IL34: variants seen among roughly 807,000 people sequenced by gnomAD.
IL34 encodes interleukin 34.
In IL34, 17 loss-of-function variants were observed where a neutral mutation model predicts 25.3. The observed-to-expected ratio is 0.67, with a 90% CI of 0.46 to 1.01. The LOEUF (loss-of-function observed/expected upper bound fraction) is 1.01, where lower values mean the gene tolerates loss of function less well. Ranked by LOEUF, IL34 falls within the 50% of genes least tolerant of loss-of-function variation. IL34 has a pLI of 0.00. For missense variants in IL34, 368 were observed against 312.9 expected (o/e 1.18, Z -1.33); for synonymous variants, 174 against 140.9 (o/e 1.23, Z -1.66).
At chr16:70,605,263 T>C (rs2050985706) in intron 1 of IL34, among the ~76,000 whole-genome samples, 9 of 152,134 alleles carry the variant, frequency 5.9e-5, no homozygotes, top group Admixed American at 4.6e-4. Flanking sequence ...CCTCAGGAGG[T>C]TGAGAAGAGT....
At chr16:70,620,439 G>T (rs540216887) in intron 1 of IL34, among the ~76,000 whole-genome samples, 14 of 103,622 alleles carry the variant, frequency 1.4e-4, no homozygotes, top group South Asian at 3.3e-4. Flanking sequence ...GGTGTGAGGA[G>T]GGGAGGTGAT....
intron 1 of IL34, among the ~76,000 whole-genome samples, chr16:70,607,268 A>T (rs1018509051): frequency 2.0e-5 from 3 of 151,852 alleles, no homozygotes; most frequent in South Asian, 2.1e-4. Flanking sequence ...CACCCAGCTA[A>T]TTTTTTTGTA....
upstream of IL34, among the ~76,000 whole-genome samples, chr16:70,642,968 G>T (rs1309040884): frequency 2.6e-5 from 4 of 152,140 alleles, no homozygotes; most frequent in Admixed American, 1.3e-4. Context: ...TATTTTGGGG[G>T]TGATGAAAAT....
chr16:70,659,593 C>T, intron 4 of IL34, 25 bp from the exon 5 acceptor site: 4 of 1,592,358 alleles, frequency 2.5e-6, no homozygotes, highest in Non-Finnish European at 2.6e-6. Context: ...CTCGCCACCG[C>T]TCCTGACTGT....
intron 4 of IL34, among the ~76,000 whole-genome samples, chr16:70,657,626 T>A (rs2052266685): frequency 1.3e-5 from 2 of 151,938 alleles, no homozygotes; most frequent in African/African-American, 2.4e-5. Flanking sequence ...AATACAAAAA[T>A]AAGCCAGTCC....
chr16:70,659,845 C>A (rs2151888837), intron 5 of IL34, 92 bp downstream of exon 5: 1 of 1,507,776 alleles, frequency 6.6e-7, no homozygotes, highest in African/African-American at 1.4e-5. Flanking sequence ...TCCTCCCGGG[C>A]ATATCCTCTG....
At position 70,632,648 on chromosome 16, in the gene IL34, G is replaced by T. The variant is rs532505282; in HGVS notation, c.-400-13900G>T. On this transcript the variant is annotated intron_variant, in intron 1 of 6. Coordinates refer to the IL34 transcript ENST00000429149. ...GGTCTCTGGGGTGGTGCTGCACAGA[G>T]ACCATGTGGTGTTTGTGTTTGAGAG... Among the ~76,000 whole-genome samples, 4 of 152,266 alleles carry T rather than the reference G, an allele frequency of 2.6e-5. No individual in the cohort carries two copies. In the South Asian group the frequency reaches 8.3e-4, roughly 32 times the overall value.
chr16:70,623,230 A>G (rs559754911), intron 1 of IL34, among the ~76,000 whole-genome samples: 13 of 152,228 alleles, frequency 8.5e-5, no homozygotes, highest in Middle Eastern at 3.4e-3. Flanking sequence ...GAAAGCGAAG[A>G]GAGGCTGGGA....
chr16:70,606,325 G>C (rs979300400), intron 1 of IL34, among the ~76,000 whole-genome samples: 1 of 152,104 alleles, frequency 6.6e-6, no homozygotes, highest in African/African-American at 2.4e-5. Context: ...TTGAACCTGG[G>C]AGGTGGAGGT....
At chr16:70,596,008 C>T (rs1401879959) in intron 1 of IL34, among the ~76,000 whole-genome samples, 1 of 139,184 alleles carries the variant, frequency 7.2e-6, no homozygotes. Flanking sequence ...GAGACCCCGT[C>T]TCAAAAAAAA....
At chr16:70,615,381 C>T (rs2051158269) in intron 1 of IL34, among the ~76,000 whole-genome samples, 1 of 152,080 alleles carries the variant, frequency 6.6e-6, no homozygotes, top group Non-Finnish European at 1.5e-5. Context: ...GTGGTGCTCA[C>T]CTGTAGTCCC....
chr16:70,607,382 G>T (rs1471142879), intron 1 of IL34, among the ~76,000 whole-genome samples: 1 of 152,168 alleles, frequency 6.6e-6, no homozygotes, highest in Non-Finnish European at 1.5e-5. Context: ...GGGAGTACAG[G>T]CATTGAGCCA....
intron 1 of IL34, among the ~76,000 whole-genome samples, chr16:70,639,771 T>G (rs1047435854): frequency 6.6e-6 from 1 of 152,046 alleles, no homozygotes; most frequent in Non-Finnish European, 1.5e-5. Context: ...TTGAGCAACA[T>G]AGTGAGACCC....
At chr16:70,659,858 C>G in intron 5 of IL34, 105 bp downstream of exon 5, 1 of 1,490,626 alleles carries the variant, frequency 6.7e-7, no homozygotes, top group Non-Finnish European at 9.0e-7. Context: ...ATCCTCTGCT[C>G]CCCGGGGCTA....
intron 1 of IL34, among the ~76,000 whole-genome samples, chr16:70,588,755 A>G (rs533012715): frequency 1.3e-5 from 2 of 152,346 alleles, no homozygotes; most frequent in Admixed American, 6.5e-5. Flanking sequence ...ACATGCTACA[A>G]CGTGAATGAA....
intron 4 of IL34, among the ~76,000 whole-genome samples, chr16:70,657,592 TG>T (rs1567468593): frequency 6.6e-6 from 1 of 152,060 alleles, no homozygotes; most frequent in Non-Finnish European, 1.5e-5. Context: ...CCTGGCCAAA[TG>T]GTGAAACCCC....
rs558684304 is a variant in IL34, at chr16:70,595,285, T to C, written c.-401+15236T>C. ...CTGCATTTCAATTTCTTAGTTCTGT[T>C]TCCTCTCTAGTTTTCTTCTCCTTCT... is the stretch of plus-strand genomic sequence containing the variant. On this transcript the variant is annotated intron_variant, in intron 1 of 6. Coordinates refer to the IL34 transcript ENST00000429149. Among the ~76,000 whole-genome samples, 14 of 151,792 alleles carry C rather than the reference T, an allele frequency of 9.2e-5. No individual in the cohort carries two copies. In the South Asian group the frequency reaches 2.9e-3, roughly 32 times the overall value.
chr16:70,646,114 T>A (rs886669664), upstream of IL34, among the ~76,000 whole-genome samples: 27 of 152,242 alleles, frequency 1.8e-4, no homozygotes, highest in East Asian at 5.8e-4. Context: ...CTTACTATGC[T>A]GACCAGGCTG....
chr16:70,649,155 A>C (rs1385144300), intron 1 of IL34, among the ~76,000 whole-genome samples: 1 of 152,160 alleles, frequency 6.6e-6, no homozygotes, highest in East Asian at 1.9e-4. Context: ...CTAGGAGAGA[A>C]TTCAAGGCAA....
Sources: gnomAD v4.1 joint callset for allele counts (sites outside exome capture counted in the v4.1 genomes callset) on GRCh38, gnomAD v4.1.1 for gene constraint, MANE v1.5 for transcripts, NCBI Gene and HGNC (gene_info 2026-07-23, HGNC 2026-07-21) for gene names.